The following FTO variants were observed in gnomAD, a reference collection of about 807,000 sequenced individuals.
FTO encodes the protein alpha-ketoglutarate-dependent dioxygenase FTO.
Under a neutral mutation model 63.9 loss-of-function variants are expected in FTO, and 47 were observed. That is an observed-to-expected ratio of 0.74 (90% CI 0.58 to 0.94). The LOEUF (loss-of-function observed/expected upper bound fraction) is 0.94, where lower values mean the gene tolerates loss of function less well. FTO is among the 40% of genes least tolerant of loss of function. The pLI is 0.00. For missense variants in FTO, 562 were observed against 618.1 expected (o/e 0.91, Z 0.96); for synonymous variants, 207 against 224.4 (o/e 0.92, Z 0.69).
intron 8 of FTO, among the ~76,000 whole-genome samples, chr16:54,082,650 G>A (rs1222331377): frequency 6.6e-6 from 1 of 152,134 alleles, no homozygotes; most frequent in African/African-American, 2.4e-5. Context: ...CAGATGTAGG[G>A]CCTCATATTG....
chr16:53,847,577 G>A (rs1161902153), intron 4 of FTO, among the ~76,000 whole-genome samples: 1 of 152,014 alleles, frequency 6.6e-6, no homozygotes, highest in Non-Finnish European at 1.5e-5. Flanking sequence ...AGACCAGCCT[G>A]GCCAACATGG....
chr16:53,808,638 G>T (rs1359311791), intron 1 of FTO, among the ~76,000 whole-genome samples: 3 of 152,150 alleles, frequency 2.0e-5, no homozygotes, highest in Non-Finnish European at 4.4e-5. Context: ...GCTATTTGGG[G>T]TGGGAGAGGG....
intron 6 of FTO, chr16:53,886,847 G>C (rs2151903230): frequency 6.6e-6 from 1 of 152,310 alleles, no homozygotes; most frequent in African/African-American, 2.4e-5. Context: ...GGTAACAGGT[G>C]AAGATTATAA....
intron 1 of FTO, among the ~76,000 whole-genome samples, chr16:53,738,518 A>T (rs1330529456): frequency 1.3e-5 from 2 of 152,136 alleles, no homozygotes; most frequent in African/African-American, 2.4e-5. Context: ...GGTTGTTTCC[A>T]CTTTTTGGCT....
intron 1 of FTO, among the ~76,000 whole-genome samples, chr16:53,711,124 C>G (rs2075763096): frequency 6.6e-6 from 1 of 152,106 alleles, no homozygotes; most frequent in Non-Finnish European, 1.5e-5. Flanking sequence ...ACCACCTTCA[C>G]TACTGCCTAT....
chr16:53,926,353 G>A (rs1254189908), intron 7 of FTO, among the ~76,000 whole-genome samples: 1 of 152,136 alleles, frequency 6.6e-6, no homozygotes, highest in Non-Finnish European at 1.5e-5. Flanking sequence ...TCTCTGGCCT[G>A]ATCATTAGCT....
At chr16:54,075,716 A>G (rs1202194082) in intron 8 of FTO, among the ~76,000 whole-genome samples, 2 of 152,202 alleles carry the variant, frequency 1.3e-5, no homozygotes, top group Non-Finnish European at 2.9e-5. Context: ...GCATGCTTCT[A>G]ATATACATGG....
chr16:53,889,219 T>C (rs550439655), intron 7 of FTO, among the ~76,000 whole-genome samples: 3 of 152,184 alleles, frequency 2.0e-5, no homozygotes, highest in Admixed American at 1.3e-4. Flanking sequence ...TCGAAAATAA[T>C]ATTTAACATT....
At chr16:53,798,446 G>T (rs1237773987) in intron 1 of FTO, among the ~76,000 whole-genome samples, 1 of 151,996 alleles carries the variant, frequency 6.6e-6, no homozygotes, top group Non-Finnish European at 1.5e-5. Flanking sequence ...TTTAATTTCG[G>T]TAGTGTTTTT....
At chr16:54,058,977 T>A (rs763124667) in intron 8 of FTO, among the ~76,000 whole-genome samples, 2 of 152,222 alleles carry the variant, frequency 1.3e-5, no homozygotes, top group Non-Finnish European at 2.9e-5. Context: ...GATCTATGTG[T>A]CTCGCTTATG....
At chr16:54,074,500 C>T (rs2085940039) in intron 8 of FTO, among the ~76,000 whole-genome samples, 3 of 152,018 alleles carry the variant, frequency 2.0e-5, no homozygotes, top group Admixed American at 2.0e-4. Flanking sequence ...TAACTTTTGC[C>T]TCTTTTCACT....
At chr16:54,104,870 G>T (rs761743623) in intron 8 of FTO, among the ~76,000 whole-genome samples, 1 of 152,178 alleles carries the variant, frequency 6.6e-6, no homozygotes, top group Non-Finnish European at 1.5e-5. Flanking sequence ...ATTTGCGAGC[G>T]TTACAAGCCC....
intron 1 of FTO, among the ~76,000 whole-genome samples, chr16:53,745,932 C>T (rs2076639785): frequency 1.4e-5 from 2 of 147,326 alleles, no homozygotes; most frequent in Middle Eastern, 3.4e-3. Context: ...GGATGGTGAA[C>T]GTGGATTTAT....
At chr16:53,820,157 C>T (rs1164273612) in intron 2 of FTO, among the ~76,000 whole-genome samples, 7 of 151,518 alleles carry the variant, frequency 4.6e-5, no homozygotes, top group East Asian at 1.9e-4. Flanking sequence ...TACAGATGCC[C>T]GCCACCACGC....
chr16:53,933,555 G>T (rs1318606052), intron 7 of FTO, among the ~76,000 whole-genome samples: 2 of 152,180 alleles, frequency 1.3e-5, no homozygotes, highest in Non-Finnish European at 2.9e-5. Context: ...AATAAGAGAG[G>T]CAGAGAAAGC....
At chr16:53,712,944 TG>T (rs764255604) in intron 1 of FTO, among the ~76,000 whole-genome samples, 4 of 151,102 alleles carry the variant, frequency 2.6e-5, no homozygotes, top group Non-Finnish European at 5.9e-5. Flanking sequence ...GTAGAGATCA[TG>T]TTTTTTTTTT....
chr16:53,806,732 A>G (rs2078380288), intron 1 of FTO, among the ~76,000 whole-genome samples: 1 of 152,198 alleles, frequency 6.6e-6, no homozygotes, highest in African/African-American at 2.4e-5. Flanking sequence ...TGTGATTCCA[A>G]GCTTTTTTTC....
At position 53,961,534 on chromosome 16, in the gene FTO, G is replaced by A. The variant is rs188384891; in HGVS notation, c.1364+27425G>A. Among the ~76,000 whole-genome samples the A allele has an allele frequency of 3.5e-4, 53 of 152,234 alleles. No homozygotes were observed. In the East Asian group the frequency reaches 5.0e-3, roughly 14 times the overall value. ...TATTAAATTCTTTGAGCTAATTCAC[G>A]AGAGTTCTATTGTGCATTCTTCCAA... On this transcript the variant is annotated intron_variant, in intron 8 of 8. Transcript: ENST00000471389.
chr16:53,760,730 G>A (rs745628471), intron 1 of FTO, among the ~76,000 whole-genome samples: 15 of 144,498 alleles, frequency 1.0e-4, no homozygotes, highest in African/African-American at 3.8e-4. Flanking sequence ...AGGTTCAAGC[G>A]ATTCTCCTGC....
Sources: gnomAD v4.1 joint callset for allele counts (sites outside exome capture counted in the v4.1 genomes callset) on GRCh38, gnomAD v4.1.1 for gene constraint, MANE v1.5 for transcripts, NCBI Gene and HGNC (gene_info 2026-07-23, HGNC 2026-07-21) for gene names.